Variants in CHN2 observed in about 807,000 individuals in gnomAD.
CHN2 encodes the protein chimerin 2.
A neutral mutation model predicts 56.3 loss-of-function variants in CHN2; 35 were observed. The ratio of observed to expected loss-of-function variants is 0.62; its 90% confidence interval spans 0.47 to 0.82. The LOEUF (loss-of-function observed/expected upper bound fraction) is 0.82. Ranked by LOEUF, CHN2 falls within the 40% of genes least tolerant of loss-of-function variation. The pLI, the probability that CHN2 is intolerant of heterozygous loss-of-function variation, is 0.00. For missense variants in CHN2, 491 were observed against 580.5 expected (o/e 0.85, Z 1.58); for synonymous variants, 210 against 212.8 (o/e 0.99, Z 0.12).
Position 29,503,199 on chromosome 7 carries a change from A to G in CHN2, c.914-1545A>G, listed in dbSNP as rs145614462. Among the ~76,000 whole-genome samples the G allele has an allele frequency of 7.3e-3, 1,106 of 152,298 alleles. 5 individuals are homozygous for G. Among genetic ancestry groups the G allele is most frequent in the Non-Finnish European group, 8.6e-3 (585 of 68,026 alleles). On this transcript the variant is annotated intron_variant, in intron 9 of 12. Coordinates refer to ENST00000222792, the MANE Select transcript of CHN2 (RefSeq NM_004067.4). The stretch of plus-strand genomic sequence containing the variant: ...TCCTGAGGGAGGGACCCTAAACATT[A>G]TGACTAATATCCTTATGAGAAGAGA...
intron 1 of CHN2, among the ~76,000 whole-genome samples, chr7:29,295,712 CTACT>C (rs1195441159): frequency 6.6e-6 from 1 of 152,218 alleles, no homozygotes; most frequent in African/African-American, 2.4e-5. Flanking sequence ...TCTGTTGAGC[CTACT>C]TACTTCTTTT....
chr7:29,428,551 A>G (rs1395970719), intron 6 of CHN2, among the ~76,000 whole-genome samples: 2 of 152,182 alleles, frequency 1.3e-5, no homozygotes, highest in Non-Finnish European at 2.9e-5. Flanking sequence ...GTGTCTCTGC[A>G]AAAGCCTGGA....
intron 6 of CHN2, among the ~76,000 whole-genome samples, chr7:29,408,566 G>A (rs942937533): frequency 6.6e-6 from 1 of 152,168 alleles, no homozygotes; most frequent in Non-Finnish European, 1.5e-5. Context: ...ACAGTTACCT[G>A]TGCTGGTTCA....
At chr7:29,212,370 C>T in intron 1 of CHN2, 3 of 1,585,726 alleles carry the variant, frequency 1.9e-6, no homozygotes, top group Non-Finnish European at 1.7e-6. Context: ...AGAATCTTAA[C>T]CTATGGCTGT....
At chr7:29,483,521 C>A (rs1787589850) in intron 7 of CHN2, among the ~76,000 whole-genome samples, 2 of 152,202 alleles carry the variant, frequency 1.3e-5, no homozygotes, top group African/African-American at 4.8e-5. Flanking sequence ...CCTAGGGTTA[C>A]TTGTACCTAC....
At chr7:29,289,610 C>A (rs1252536356) in intron 1 of CHN2, among the ~76,000 whole-genome samples, 1 of 152,168 alleles carries the variant, frequency 6.6e-6, no homozygotes, top group African/African-American at 2.4e-5. Flanking sequence ...TTCTTTGGAA[C>A]AAGCATTATC....
At position 29,319,757 on chromosome 7, in the gene CHN2, T is replaced by C. The variant is rs565183555; in HGVS notation, c.50-34868T>C. On this transcript the variant is annotated intron_variant, in intron 1 of 12. Coordinates refer to ENST00000222792, the MANE Select transcript of CHN2 (RefSeq NM_004067.4). ...TGCCTGAGGCTGTCTGTTCACAATA[T>C]TGCAGTGTTGGGATTTTCTTACAGG... 1.1e-4 allele frequency among the ~76,000 whole-genome samples: 16 copies of C among 152,270 alleles called. No individual in the cohort carries two copies. In the South Asian group the frequency reaches 3.1e-3, roughly 30 times the overall value.
chr7:29,224,495 A>G (rs1786045532), intron 1 of CHN2, among the ~76,000 whole-genome samples: 1 of 152,210 alleles, frequency 6.6e-6, no homozygotes, highest in South Asian at 2.1e-4. Context: ...GAAAGATTAC[A>G]GGAGAGAAAT....
intron 1 of CHN2, chr7:29,336,141 G>A (rs947749350): frequency 6.6e-6 from 1 of 152,182 alleles, no homozygotes. Flanking sequence ...ATTCCTCCTG[G>A]AGAATCTCCC....
chr7:29,492,541 T>C (rs1788777916), intron 7 of CHN2, among the ~76,000 whole-genome samples: 1 of 152,182 alleles, frequency 6.6e-6, no homozygotes, highest in African/African-American at 2.4e-5. Flanking sequence ...TTTTCTCTCT[T>C]CTGCATTTCC....
At chr7:29,263,880 C>G (rs1214407898) in intron 1 of CHN2, among the ~76,000 whole-genome samples, 1 of 150,116 alleles carries the variant, frequency 6.7e-6, no homozygotes, top group Non-Finnish European at 1.5e-5. Flanking sequence ...GCCGCCCCAT[C>G]TGGGAAGTGA....
intron 2 of CHN2, among the ~76,000 whole-genome samples, chr7:29,177,052 G>A (rs1274643575): frequency 6.6e-6 from 1 of 151,870 alleles, no homozygotes; most frequent in Non-Finnish European, 1.5e-5. Context: ...GATGGAAGAG[G>A]CAAATATAAA....
intron 1 of CHN2, among the ~76,000 whole-genome samples, chr7:29,275,655 C>A (rs76417412): frequency 6.6e-6 from 1 of 152,104 alleles, no homozygotes; most frequent in Non-Finnish European, 1.5e-5. Flanking sequence ...TCACCACAGC[C>A]CTTTGAAGGA....
intron 6 of CHN2, among the ~76,000 whole-genome samples, chr7:29,413,829 G>A (rs566699260): frequency 1.3e-5 from 2 of 152,308 alleles, no homozygotes; most frequent in East Asian, 1.9e-4. Flanking sequence ...TAAACAAAGC[G>A]TTATATTAGG....
At chr7:29,285,346 C>A (rs1186280543) in intron 1 of CHN2, among the ~76,000 whole-genome samples, 1 of 152,192 alleles carries the variant, frequency 6.6e-6, no homozygotes, top group Non-Finnish European at 1.5e-5. Context: ...TTCATGGAAG[C>A]CTTCTATTTT....
intron 6 of CHN2, among the ~76,000 whole-genome samples, chr7:29,450,350 A>C (rs1289442543): frequency 1.3e-5 from 2 of 152,234 alleles, no homozygotes; most frequent in Non-Finnish European, 2.9e-5. Context: ...AGATGTGATT[A>C]CATTAAGAAT....
intron 1 of CHN2, among the ~76,000 whole-genome samples, chr7:29,300,054 G>A (rs781300311): frequency 4.6e-5 from 7 of 152,222 alleles, no homozygotes; most frequent in African/African-American, 7.2e-5. Flanking sequence ...GACTGGAGCC[G>A]TGGGATGTTT....
chr7:29,496,923 G>T (rs1184504976), intron 8 of CHN2, among the ~76,000 whole-genome samples: 1 of 152,132 alleles, frequency 6.6e-6, no homozygotes, highest in Non-Finnish European at 1.5e-5. Context: ...CTTCTTCCTT[G>T]CTAGGATATG....
chr7:29,476,836 T>G (rs1786646281), intron 6 of CHN2, among the ~76,000 whole-genome samples: 1 of 152,084 alleles, frequency 6.6e-6, no homozygotes, highest in Non-Finnish European at 1.5e-5. Context: ...CAAAAGATTA[T>G]CTGGCCCAAA....
Sources: allele counts gnomAD v4.1 joint callset (sites outside exome capture counted in the v4.1 genomes callset), GRCh38; gene constraint gnomAD v4.1.1; transcripts MANE v1.5; gene names NCBI Gene and HGNC (gene_info 2026-07-23, HGNC 2026-07-21).